The following AKR1C4 variants were observed in gnomAD, a reference collection of about 807,000 sequenced individuals.
AKR1C4 encodes aldo-keto reductase family 1 member C4, also known as 3-alpha-HSD1.
A neutral mutation model predicts 41.0 loss-of-function variants in AKR1C4; 44 were observed. The ratio of observed to expected loss-of-function variants is 1.07; its 90% confidence interval spans 0.84 to 1.38. AKR1C4 has a LOEUF of 1.38. AKR1C4 is among the 40% of genes most tolerant of loss of function. AKR1C4 has a pLI of 0.00. For missense variants in AKR1C4, 438 were observed against 387.9 expected (o/e 1.13, Z -1.09); for synonymous variants, 165 against 137.7 (o/e 1.20, Z -1.39).
At position 5,196,956 on chromosome 10, in the gene AKR1C4, T is replaced by C; in HGVS notation, c.84+5T>C. 5 of 1,613,180 alleles carry C rather than the reference T, an allele frequency of 3.1e-6. No homozygotes were observed. The highest frequency in any genetic ancestry group is 4.2e-6 in the Non-Finnish European group (5 of 1,179,154). On this transcript the variant is annotated splice_donor_5th_base_variant and intron_variant, in intron 1 of 8. Transcript: ENST00000263126. ...GGCACCTATGCACCTCCAGAGGTAA[T>C]AATCACATTTTCAGCATTGAGCATT...
In AKR1C4 at chr10:5,214,985, A is replaced by G. The variant is rs369889516; in HGVS notation, c.847-1726A>G. On this transcript the variant is annotated intron_variant, in intron 7 of 8. Coordinates refer to ENST00000263126, the MANE Select transcript of AKR1C4 (RefSeq NM_001818.5). The stretch of plus-strand genomic sequence containing the variant: ...ACTGTCTTGAATTTTATTGAAAACA[A>G]TTGTTTTTCACATTATAGCTGTTTG... Among the ~76,000 whole-genome samples the G allele has an allele frequency of 6.6e-5, 10 of 152,326 alleles. No homozygotes were observed. The South Asian group carries it at 8.3e-4, about 13-fold the overall frequency.
At chr10:5,205,707 A>T in intron 3 of AKR1C4, 50 bp from the exon 4 acceptor site, 1 of 1,514,662 alleles carries the variant, frequency 6.6e-7, no homozygotes, top group Non-Finnish European at 9.1e-7. Flanking sequence ...GAGCATGCCT[A>T]TGGGTGGAAA....
intron 3 of AKR1C4, among the ~76,000 whole-genome samples, chr10:5,205,463 A>G (rs1165287356): frequency 6.6e-6 from 1 of 152,198 alleles, no homozygotes; most frequent in East Asian, 1.9e-4. Context: ...AAAGAGAGGC[A>G]TTTCCCCCAA....
Position 5,212,644 on chromosome 10 carries a change from G to A in AKR1C4, c.599G>A (p.Ser200Asn). 6.2e-7 allele frequency: 1 copy of A among 1,613,518 alleles called. No homozygotes were observed. The highest frequency in any genetic ancestry group is 8.5e-7 in the Non-Finnish European group (1 of 1,179,930). Reference protein sequence around the residue: ...QVECHPYLNQSKLLDFCKSKD... With the variant: ...QVECHPYLNQNKLLDFCKSKD... Reference sequence around the variant, plus strand: ...GAATGTCATCCTTACCTCAACCAGAGCAAACTGCTGGATTTCTGCAAGTCA... The same window carrying A: ...GAATGTCATCCTTACCTCAACCAGAACAAACTGCTGGATTTCTGCAAGTCA... The change falls in exon 6 of 9, where the codon AGC (serine) becomes AAC (asparagine). Residue 200 changes from serine (S) to asparagine (N), a missense_variant. Ser to Asn is a conservative substitution (Grantham distance 46). Coordinates refer to ENST00000263126, the MANE Select transcript of AKR1C4 (RefSeq NM_001818.5).
chr10:5,204,452 T>C lies in AKR1C4; in HGVS notation c.328T>C (p.Tyr110His). 1 of 1,613,824 alleles carries C rather than the reference T, an allele frequency of 6.2e-7. No homozygotes were observed. Among genetic ancestry groups the C allele is most frequent in the Non-Finnish European group, 8.5e-7 (1 of 1,179,714 alleles). The change falls in exon 3 of 9, where the codon TAT (tyrosine) becomes CAT (histidine). Residue 110 changes from tyrosine (Y) to histidine (H), a missense_variant. Physicochemically the swap from Tyr to His is moderately conservative, Grantham distance 83 (BLOSUM62 2). Transcript: ENST00000263126. ...CTCACTGAAAAAACTTCAACTGGACTATGTTGACCTCTATCTTCTTCATTT... is the reference window on the plus strand; with the variant it reads ...CTCACTGAAAAAACTTCAACTGGACCATGTTGACCTCTATCTTCTTCATTT... ...ESSLKKLQLD[Y>H]VDLYLLHFPM...
intron 2 of AKR1C4, among the ~76,000 whole-genome samples, chr10:5,203,551 C>T (rs1238199000): frequency 2.0e-5 from 3 of 152,210 alleles, no homozygotes; most frequent in Non-Finnish European, 4.4e-5. Context: ...GAGGCAGTTT[C>T]TCCCCTTCTC....
At chr10:5,199,638 C>G (rs1554796678) in intron 1 of AKR1C4, among the ~76,000 whole-genome samples, 2 of 152,160 alleles carry the variant, frequency 1.3e-5, no homozygotes, top group African/African-American at 4.8e-5. Context: ...CTGGCAGAAG[C>G]AGAATGACGC....
intron 7 of AKR1C4, among the ~76,000 whole-genome samples, chr10:5,215,243 C>T (rs978817883): frequency 2.7e-4 from 41 of 152,118 alleles, no homozygotes; most frequent in African/African-American, 8.0e-4. Context: ...GGATATTTGT[C>T]TCCTTCTAAT....
intron 5 of AKR1C4, chr10:5,207,177 G>C (rs1244801175): frequency 5.3e-6 from 1 of 187,988 alleles, no homozygotes; most frequent in Admixed American, 5.1e-5. Context: ...GGGGGAATGG[G>C]CTAACTGGCT....
chr10:5,202,924 G>A, intron 2 of AKR1C4, among the ~76,000 whole-genome samples: 1 of 132,526 alleles, frequency 7.5e-6, no homozygotes. Flanking sequence ...AGGGAGATTG[G>A]TCTATAGTTT....
rs1340266193 is a variant in AKR1C4, at chr10:5,215,564, TCACA to T, written c.847-1145_847-1142del. On this transcript the variant is annotated intron_variant, in intron 7 of 8. Coordinates refer to ENST00000263126, the MANE Select transcript of AKR1C4 (RefSeq NM_001818.5). ...CCTGATCATAGGCTGTTAGAAGCAG[TCACA>T]CTATCTCTTGAATGTTTTCCTGCTT... Among the ~76,000 whole-genome samples the T allele has an allele frequency of 2.0e-5, 3 of 152,162 alleles. No homozygotes were observed. In the East Asian group the frequency reaches 5.8e-4, roughly 29 times the overall value.
chr10:5,205,472 A>C (rs537737986), intron 3 of AKR1C4, among the ~76,000 whole-genome samples: 41 of 152,088 alleles, frequency 2.7e-4, no homozygotes, highest in South Asian at 6.2e-4. Flanking sequence ...CATTTCCCCC[A>C]AAAAAATTAT....
Position 5,200,447 on chromosome 10 carries a change from C to T in AKR1C4, c.252+99C>T, listed in dbSNP as rs553360970. 1.3e-4 allele frequency: 197 copies of T among 1,491,072 alleles called. 3 individuals are homozygous for T. The South Asian group carries it at 2.5e-3, about 19-fold the overall frequency. 92.4% of individuals were successfully genotyped at this position (1,491,072 alleles called of 1,614,324 possible). A position where few individuals can be genotyped will look rare whatever the true frequency, so the allele number is the denominator to read the frequency against. On this transcript the variant is annotated intron_variant, in intron 2 of 8. Coordinates refer to ENST00000263126, the MANE Select transcript of AKR1C4 (RefSeq NM_001818.5). ...GTTCAGTAGTTGTGGGTGAATTGTG[C>T]TTATTAGTTCCAATTTATTCACACA...
rs2104997 is a variant in AKR1C4, at chr10:5,210,675, T to C, written c.571-1941T>C. 6.0e-3 allele frequency among the ~76,000 whole-genome samples: 904 copies of C among 151,392 alleles called. 11 individuals carry two copies. The highest frequency in any genetic ancestry group is 0.02 in the African/African-American group (813 of 41,180). Reference sequence around the variant, plus strand: ...GGCCCAGGCTGGAGTGCAATGGCGCTATCTCAGCTCACTGCAACCTCCGCC... The same window carrying C: ...GGCCCAGGCTGGAGTGCAATGGCGCCATCTCAGCTCACTGCAACCTCCGCC... On this transcript the variant is annotated intron_variant, in intron 5 of 8. Coordinates refer to ENST00000263126, the MANE Select transcript of AKR1C4 (RefSeq NM_001818.5).
intron 2 of AKR1C4, among the ~76,000 whole-genome samples, chr10:5,200,923 A>G (rs902604185): frequency 2.0e-5 from 3 of 152,150 alleles, no homozygotes; most frequent in Non-Finnish European, 4.4e-5. Context: ...AGTTCCTGCA[A>G]AATATATTAT....
intron 7 of AKR1C4, among the ~76,000 whole-genome samples, chr10:5,216,295 C>G (rs1554798485): frequency 6.6e-6 from 1 of 152,192 alleles, no homozygotes; most frequent in Non-Finnish European, 1.5e-5. Flanking sequence ...CCACCAGGAC[C>G]CACTTCCATC....
chr10:5,197,720 TA>T (rs1279401452), intron 1 of AKR1C4, among the ~76,000 whole-genome samples: 1 of 152,254 alleles, frequency 6.6e-6, no homozygotes, highest in Admixed American at 6.5e-5. Context: ...AGTGTGTTAA[TA>T]AGGAGTAGTC....
Position 5,205,757 on chromosome 10 carries a change from C to T in AKR1C4, c.370C>T (p.Pro124Ser), listed in dbSNP as rs1554797407. Residue 124 changes from proline to serine, a missense_variant and splice_region_variant, in exon 4 of 9, where the codon CCA becomes TCA. Pro to Ser is a moderately conservative substitution (Grantham distance 74). Coordinates refer to ENST00000263126, the MANE Select transcript of AKR1C4 (RefSeq NM_001818.5). ...YLLHFPMALKPGETPLPKDEN... is the reference protein window; with the variant it reads ...YLLHFPMALKSGETPLPKDEN... ...ACTAAAGTGACTGCTTCTACTTCAG[C>T]CAGGTGAGACGCCACTACCAAAAGA... The T allele has an allele frequency of 1.2e-6, 2 of 1,612,302 alleles. No homozygotes were observed. Among genetic ancestry groups the T allele is most frequent in the Non-Finnish European group, 1.7e-6 (2 of 1,179,022 alleles).
intron 5 of AKR1C4, among the ~76,000 whole-genome samples, chr10:5,207,914 G>A (rs1391563214): frequency 6.6e-6 from 1 of 152,104 alleles, no homozygotes; most frequent in African/African-American, 2.4e-5. Flanking sequence ...TGGAAGATGA[G>A]TAAATGCAGT....
Sources: allele counts gnomAD v4.1 joint callset (sites outside exome capture counted in the v4.1 genomes callset), GRCh38; gene constraint gnomAD v4.1.1; transcripts MANE v1.5; gene names NCBI Gene and HGNC (gene_info 2026-07-23, HGNC 2026-07-21).